The following FAT4 variants were observed in gnomAD, a reference collection of about 807,000 sequenced individuals.
The protein encoded by FAT4 is protocadherin Fat 4.
Under a neutral mutation model 303.9 loss-of-function variants are expected in FAT4, and 84 were observed. The observed-to-expected ratio is 0.28, with a 90% CI of 0.23 to 0.33. The LOEUF (loss-of-function observed/expected upper bound fraction) is 0.33. Ranked by LOEUF, FAT4 falls within the 10% of genes least tolerant of loss-of-function variation. FAT4 has a pLI of 1.00. For missense variants in FAT4, 6,005 were observed against 6,146.8 expected, an observed-to-expected ratio of 0.98 and a Z score of 0.77; for synonymous variants, 2,307 against 2,298.8, an observed-to-expected ratio of 1.00 and a Z score of -0.10.
chr4:125,474,441 A>T (rs1578686082), intron 12 of FAT4, among the ~76,000 whole-genome samples: 1 of 137,660 alleles, frequency 7.3e-6, no homozygotes, highest in South Asian at 2.2e-4. Flanking sequence ...AATCATAACT[A>T]TCAAAAGAGT....
chr4:125,376,833 C>T (rs537638387), intron 2 of FAT4, among the ~76,000 whole-genome samples: 1 of 151,864 alleles, frequency 6.6e-6, no homozygotes, highest in Non-Finnish European at 1.5e-5. Flanking sequence ...TCCGGTGAGC[C>T]GAGATCATGC....
At chr4:125,483,732 G>A (rs1018652756) in intron 16 of FAT4, among the ~76,000 whole-genome samples, 1 of 151,954 alleles carries the variant, frequency 6.6e-6, no homozygotes, top group South Asian at 2.1e-4. Context: ...TTTTCAAAGG[G>A]GCTTGGCAGG....
At chr4:125,345,245 T>C (rs1403950246) in intron 2 of FAT4, among the ~76,000 whole-genome samples, 1 of 152,140 alleles carries the variant, frequency 6.6e-6, no homozygotes, top group Non-Finnish European at 1.5e-5. Flanking sequence ...CACTGCAATG[T>C]AATTTTTCAT....
intron 3 of FAT4, among the ~76,000 whole-genome samples, chr4:125,399,756 T>TAAA (rs1281146515): frequency 6.6e-6 from 1 of 152,030 alleles, no homozygotes; most frequent in African/African-American, 2.4e-5. Context: ...ATCTAACTAT[T>TAAA]ACAAATGAAC....
intron 8 of FAT4, among the ~76,000 whole-genome samples, chr4:125,442,394 T>A (rs943418926): frequency 2.0e-5 from 3 of 152,176 alleles, no homozygotes; most frequent in African/African-American, 7.2e-5. Flanking sequence ...ACCGTGTCTC[T>A]GTTTTGAATT....
intron 5 of FAT4, among the ~76,000 whole-genome samples, chr4:125,413,542 T>C (rs1402183129): frequency 1.3e-5 from 2 of 151,798 alleles, no homozygotes; most frequent in African/African-American, 4.8e-5. Context: ...TATTCATAAA[T>C]ATTTTTCCCA....
intron 2 of FAT4, among the ~76,000 whole-genome samples, chr4:125,337,782 AG>A (rs1731631408): frequency 6.7e-6 from 1 of 149,314 alleles, no homozygotes; most frequent in South Asian, 2.1e-4. Context: ...GAACTTGGGA[AG>A]AAAAATAAAA....
In FAT4 at chr4:125,415,688, C is replaced by T. The variant is rs140321833; in HGVS notation, c.6725C>T (p.Thr2242Ile). The change falls in exon 6 of 18, where the codon ACC becomes ATC. Residue 2242 changes from threonine to isoleucine, a missense_variant. Physicochemically the swap from Thr to Ile is moderately conservative, Grantham distance 89 (BLOSUM62 -1). Coordinates refer to ENST00000394329, the MANE Select transcript of FAT4 (RefSeq NM_001291303.3). ...CGAGGCAGCACACCCAGAACTGATA[C>T]CTCCACGGTCAGCATTGTTCTACTG... is the stretch of plus-strand genomic sequence containing the variant. Reference protein sequence around the residue: ...TDRGSTPRTDTSTVSIVLLDI... With the variant: ...TDRGSTPRTDISTVSIVLLDI... 10 of 1,613,898 alleles carry T rather than the reference C, an allele frequency of 6.2e-6. No homozygotes were observed. The highest frequency in any genetic ancestry group is 2.2e-5 in the East Asian group (1 of 44,868).
At chr4:125,432,150 G>A (rs972432188) in intron 7 of FAT4, among the ~76,000 whole-genome samples, 4 of 152,096 alleles carry the variant, frequency 2.6e-5, no homozygotes, top group Admixed American at 6.6e-5. Flanking sequence ...TAGGCTCAGC[G>A]ACAGAGCTGC....
At chr4:125,448,025 T>C (rs1170570668) in intron 9 of FAT4, among the ~76,000 whole-genome samples, 1 of 152,048 alleles carries the variant, frequency 6.6e-6, no homozygotes, top group East Asian at 1.9e-4. Context: ...TATAAAGTGA[T>C]TGGAAGATAT....
At position 125,316,533 on chromosome 4, in the gene FAT4, A is replaced by G. The variant is rs1250115250; in HGVS notation, c.122A>G (p.His41Arg). The G allele has an allele frequency of 6.8e-6, 11 of 1,613,812 alleles. No individual in the cohort carries two copies. The highest frequency in any genetic ancestry group is 9.3e-6 in the Non-Finnish European group (11 of 1,180,036). ...TTGCTTCCGGGGCAGGCCTGGGTCCACGGGGCCGAGCCGCGCCAGGTGTTC... is the reference window on the plus strand; with the variant it reads ...TTGCTTCCGGGGCAGGCCTGGGTCCGCGGGGCCGAGCCGCGCCAGGTGTTC... The part of the protein sequence containing the change: ...LSLLPGQAWV[H>R]GAEPRQVFQV... Residue 41 changes from histidine to arginine, a missense_variant, in exon 2 of 18, where the codon CAC becomes CGC. By Grantham distance (29) the His-to-Arg change is conservative (BLOSUM62 0). Coordinates refer to ENST00000394329, the MANE Select transcript of FAT4 (RefSeq NM_001291303.3). This position sits in a 1 kb window ranked among gnomAD's most constrained non-coding sequence, Gnocchi z 5.7.
intron 10 of FAT4, among the ~76,000 whole-genome samples, chr4:125,454,390 A>C (rs1421490292): frequency 6.6e-6 from 1 of 152,234 alleles, no homozygotes; most frequent in East Asian, 1.9e-4. Context: ...GTGTAATAGA[A>C]AAAGTGATAG....
At position 125,319,765 on chromosome 4, in the gene FAT4, T is replaced by C. The variant is rs1323969562; in HGVS notation, c.3354T>C (p.Phe1118=). Residue 1118 remains phenylalanine, a synonymous_variant, in exon 2 of 18, where the codon TTT becomes TTC. Transcript: ENST00000394329. ...AAGAAGAGCAGAGGGCTGGGTCGTT[T>C]GTGGGCAAAGTAAGTGCTGTAGATA... The part of the protein sequence containing the change: ...YFEEEQRAGS[F]VGKVSAVDKD... The C allele has an allele frequency of 6.2e-7, 1 of 1,614,234 alleles. No individual in the cohort carries two copies. Among genetic ancestry groups the C allele is most frequent in the Admixed American group, 1.7e-5 (1 of 60,020 alleles).
chr4:125,466,392 G>C (rs1289502991), intron 11 of FAT4, among the ~76,000 whole-genome samples: 1 of 151,798 alleles, frequency 6.6e-6, no homozygotes, highest in Non-Finnish European at 1.5e-5. Flanking sequence ...TAGATTTATT[G>C]AAGTTTATTC....
rs924660718 is a variant in FAT4, at chr4:125,364,231, T to C, written c.5176-34553T>C. Among the ~76,000 whole-genome samples, 41 of 152,146 alleles carry C rather than the reference T, an allele frequency of 2.7e-4. 1 individual carries two copies. Among genetic ancestry groups the C allele is most frequent in the Admixed American group, 2.7e-3 (41 of 15,272 alleles). On this transcript the variant is annotated intron_variant, in intron 2 of 17. Coordinates refer to ENST00000394329, the MANE Select transcript of FAT4 (RefSeq NM_001291303.3). ...TTGCTACAAATTAAATGTAGTTTTT[T>C]TCAAATACCTTTTCTTGGACTTTTT...
At chr4:125,340,440 G>GTGGC in intron 2 of FAT4, among the ~76,000 whole-genome samples, 2 of 151,740 alleles carry the variant, frequency 1.3e-5, no homozygotes, top group East Asian at 3.9e-4. Flanking sequence ...CTGGAGTGCA[G>GTGGC]TGGCGTGATC....
In FAT4 at chr4:125,320,052, T is replaced by A. The variant is rs372590258; in HGVS notation, c.3641T>A (p.Phe1214Tyr). ...NDNAPKFLKD[F>Y]YQATISESAA... ...AATGCTCCCAAATTTTTAAAAGACT[T>A]TTACCAAGCTACAATATCAGAATCA... is the stretch of plus-strand genomic sequence containing the variant. The change falls in exon 2 of 18, where the codon TTT (phenylalanine) becomes TAT (tyrosine). Residue 1214 changes from phenylalanine to tyrosine, a missense_variant. Physicochemically the swap from Phe to Tyr is conservative, Grantham distance 22. Coordinates refer to ENST00000394329, the MANE Select transcript of FAT4 (RefSeq NM_001291303.3). 6.8e-6 allele frequency: 11 copies of A among 1,613,792 alleles called. No homozygotes were observed. The highest frequency in any genetic ancestry group is 9.3e-6 in the Non-Finnish European group (11 of 1,180,008).
At chr4:125,489,447 T>G (rs1727527424) in intron 17 of FAT4, among the ~76,000 whole-genome samples, 1 of 152,204 alleles carries the variant, frequency 6.6e-6, no homozygotes, top group Non-Finnish European at 1.5e-5. Flanking sequence ...ACACCTTTGG[T>G]GTATTATCAC....
At chr4:125,385,432 T>C (rs1733709347) in intron 2 of FAT4, among the ~76,000 whole-genome samples, 1 of 152,188 alleles carries the variant, frequency 6.6e-6, no homozygotes. Flanking sequence ...TATTAAGTAG[T>C]TAATTGCCTT....
Sources: allele counts gnomAD v4.1 joint callset (sites outside exome capture counted in the v4.1 genomes callset), GRCh38; gene constraint gnomAD v4.1.1; non-coding constraint Gnocchi (gnomAD v3.1); transcripts MANE v1.5; gene names NCBI Gene and HGNC (gene_info 2026-07-23, HGNC 2026-07-21).